USP35: variants seen among roughly 807,000 people sequenced by gnomAD.
The protein encoded by USP35 is ubiquitin carboxyl-terminal hydrolase 35.
In USP35, 69 loss-of-function variants were observed where a neutral mutation model predicts 83.8. The ratio of observed to expected loss-of-function variants is 0.82; its 90% CI spans 0.68 to 1.01. The LOEUF (loss-of-function observed/expected upper bound fraction) is 1.01, where lower values mean the gene tolerates loss of function less well. USP35 is among the 50% of genes least tolerant of loss of function. The pLI is 0.00. For synonymous variants in USP35, 714 were observed against 589.5 expected, an observed-to-expected ratio of 1.21 and a Z score of -3.06; for missense variants, 1,503 against 1,362.5, an observed-to-expected ratio of 1.10 and a Z score of -1.62.
At chr11:78,203,189 C>G (rs1264234372) in intron 6 of USP35, among the ~76,000 whole-genome samples, 1 of 152,126 alleles carries the variant, frequency 6.6e-6, no homozygotes, top group African/African-American at 2.4e-5. Context: ...AGGACCCCGC[C>G]TTCTCAACCC....
Position 78,196,048 on chromosome 11 carries a change from A to G in USP35, c.-10-188A>G, listed in dbSNP as rs932438825. Among the ~76,000 whole-genome samples the G allele has an allele frequency of 1.3e-5, 2 of 152,170 alleles. No homozygotes were observed. The highest frequency in any genetic ancestry group is 2.9e-5 in the Non-Finnish European group (2 of 68,018). The stretch of plus-strand genomic sequence containing the variant: ...GGCCCCTGGCATTTATTATGTGCCA[A>G]GTGTTGTGCTTTATTTCATCAGGAT... On this transcript the variant is annotated intron_variant, in intron 1 of 10. Transcript: ENST00000529308. This position sits in a 1 kb window ranked among gnomAD's most constrained non-coding sequence, Gnocchi z 4.8.
chr11:78,209,303 G>A, intron 9 of USP35, 145 bp from the exon 10 acceptor site: 8 of 859,026 alleles, frequency 9.3e-6, no homozygotes, highest in South Asian at 1.8e-5. Context: ...CATGTACGTG[G>A]ATGTGTGGGT....
In USP35 at chr11:78,200,828, T is replaced by G; in HGVS notation, c.1197+20T>G. ...ATCAAGGTGAGCGACAGTCCCCTACTTGGGCCTTGCCCCACTCTGACAAAG... is the reference window on the plus strand; with the variant it reads ...ATCAAGGTGAGCGACAGTCCCCTACGTGGGCCTTGCCCCACTCTGACAAAG... On this transcript the variant is annotated intron_variant, in intron 6 of 10. Transcript: ENST00000529308. 6.3e-7 allele frequency: 1 copy of G among 1,584,532 alleles called. No individual in the cohort carries two copies. The highest frequency in any genetic ancestry group is 8.6e-7 in the Non-Finnish European group (1 of 1,160,472).
rs1396427194 is a variant in USP35 at position 78,198,085 on chromosome 11, G to A, written c.806+17G>A. 3 of 1,614,008 alleles carry A rather than the reference G, an allele frequency of 1.9e-6. No individual in the cohort carries two copies. In the South Asian group the frequency reaches 3.3e-5, roughly 18 times the overall value. ...CATTAGCAGGTGGGACGCTGAGGCT[G>A]AGCCATGATCAGGGCTGGGGCCCCT... On this transcript the variant is annotated intron_variant, in intron 3 of 10. Coordinates refer to ENST00000529308, the MANE Select transcript of USP35 (RefSeq NM_020798.4).
rs546112402 is a variant in USP35, at chr11:78,212,378, C to T, written c.2890-1268C>T. On this transcript the variant is annotated intron_variant, in intron 10 of 10. Transcript: ENST00000529308. ...AGTTTGAAGTCAGGTAGGCATTAGG[C>T]TTCCACTTTTGTTCTTTTTGCTTAG... is the stretch of plus-strand genomic sequence containing the variant. Among the ~76,000 whole-genome samples, 58 of 152,286 alleles carry T rather than the reference C, an allele frequency of 3.8e-4. 1 individual carries two copies. The South Asian group carries it at 0.012, about 31-fold the overall frequency.
chr11:78,208,240 G>A (rs979618430), intron 8 of USP35, among the ~76,000 whole-genome samples: 2 of 152,188 alleles, frequency 1.3e-5, no homozygotes, highest in African/African-American at 4.8e-5. Flanking sequence ...CTGCTGCACT[G>A]GGGATTATGT....
At position 78,210,191 on chromosome 11, in the gene USP35, G is replaced by A. The variant is rs2134415394; in HGVS notation, c.2336G>A (p.Arg779His). The A allele has an allele frequency of 3.1e-6, 5 of 1,613,916 alleles. No homozygotes were observed. The highest frequency in any genetic ancestry group is 1.6e-4 in the Middle Eastern group (1 of 6,062). The change falls in exon 10 of 11, where the codon CGC becomes CAC. Residue 779 changes from arginine to histidine, a missense_variant. By Grantham distance (29) the Arg-to-His change is conservative. Coordinates refer to ENST00000529308, the MANE Select transcript of USP35 (RefSeq NM_020798.4). ...LSPEKLTAEN[R>H]YYCESCASLQ... Reference sequence around the variant, plus strand: ...CCCGAGAAGCTGACAGCAGAAAACCGCTACTACTGCGAGTCGTGTGCCTCC... The same window carrying A: ...CCCGAGAAGCTGACAGCAGAAAACCACTACTACTGCGAGTCGTGTGCCTCC...
intron 1 of USP35, among the ~76,000 whole-genome samples, chr11:78,189,371 G>C (rs549169749): frequency 6.6e-6 from 1 of 152,190 alleles, no homozygotes; most frequent in Non-Finnish European, 1.5e-5. Context: ...AAGTGATCCT[G>C]CTCCCTCCCC....
rs1238854159 is a variant in USP35, at chr11:78,214,964, A to C, written c.*1151A>C. On this transcript the variant is annotated 3_prime_UTR_variant, in exon 11 of 11. Coordinates refer to ENST00000529308, the MANE Select transcript of USP35 (RefSeq NM_020798.4). ...GGAGGCAGCTCTCAAGCCTTTACCT[A>C]CCTCCTTCCCCAGGGGCTGCCTGCT... is the stretch of plus-strand genomic sequence containing the variant. 1.3e-5 allele frequency among the ~76,000 whole-genome samples: 2 copies of C among 151,576 alleles called. No homozygotes were observed. Among genetic ancestry groups the C allele is most frequent in the Admixed American group, 6.6e-5 (1 of 15,202 alleles).
downstream of USP35, chr11:78,216,139 A>G (rs1438101233): frequency 1.3e-5 from 2 of 152,674 alleles, no homozygotes; most frequent in South Asian, 2.1e-4. Flanking sequence ...CAGCGCAGCT[A>G]ATCCAACCTC....
In USP35 at chr11:78,210,187, A is replaced by T; in HGVS notation, c.2332A>T (p.Asn778Tyr). The T allele has an allele frequency of 1.2e-6, 2 of 1,613,574 alleles. No individual in the cohort carries two copies. The highest frequency in any genetic ancestry group is 1.7e-6 in the Non-Finnish European group (2 of 1,179,738). The part of the protein sequence containing the change: ...FLSPEKLTAE[N>Y]RYYCESCASL... ...GTCCCCCGAGAAGCTGACAGCAGAA[A>T]ACCGCTACTACTGCGAGTCGTGTGC... The change falls in exon 10 of 11, where the codon AAC becomes TAC. Residue 778 changes from asparagine to tyrosine, a missense_variant. Physicochemically the swap from Asn to Tyr is moderately radical, Grantham distance 143 (BLOSUM62 -2). Coordinates refer to ENST00000529308, the MANE Select transcript of USP35 (RefSeq NM_020798.4).
At chr11:78,225,049 G>A in the USP35 span, 2 of 1,012,720 alleles carry the variant, frequency 2.0e-6, no homozygotes, top group South Asian at 1.3e-5. Flanking sequence ...AATTCCATAA[G>A]GTGTGACCTT....
chr11:78,210,585 C>T lies in USP35; in HGVS notation c.2730C>T (p.Thr910=), dbSNP rs1298171037. The part of the protein sequence containing the change: ...FSSFESVSNV[T]SFFPKDTAYV... Reference sequence around the variant, plus strand: ...CCTTCGAATCTGTCAGCAACGTCACCTCCTTCTTCCCTAAGGACACAGCCT... The same window carrying T: ...CCTTCGAATCTGTCAGCAACGTCACTTCCTTCTTCCCTAAGGACACAGCCT... Residue 910 remains threonine (T), a synonymous_variant, in exon 10 of 11, where the codon ACC becomes ACT. Transcript: ENST00000529308. 8 of 1,614,000 alleles carry T rather than the reference C, an allele frequency of 5.0e-6. No individual in the cohort carries two copies. The highest frequency in any genetic ancestry group is 5.9e-6 in the Non-Finnish European group (7 of 1,179,854).
At chr11:78,235,925 C>T in the USP35 span, among the ~76,000 whole-genome samples, 2 of 152,216 alleles carry the variant, frequency 1.3e-5, no homozygotes, top group South Asian at 2.1e-4. Flanking sequence ...CAACGCCCCA[C>T]TCTACTGGTA....
the USP35 span, among the ~76,000 whole-genome samples, chr11:78,232,353 C>T: frequency 6.6e-6 from 1 of 152,206 alleles, no homozygotes; most frequent in Admixed American, 6.5e-5. Flanking sequence ...ATCAATGTAT[C>T]ATCTGTTACA....
At chr11:78,198,476 G>A (rs1421297063) in intron 3 of USP35, among the ~76,000 whole-genome samples, 1 of 152,236 alleles carries the variant, frequency 6.6e-6, no homozygotes, top group Non-Finnish European at 1.5e-5. Flanking sequence ...TCAGCTCACA[G>A]AGTCCTTGCA....
downstream of USP35, chr11:78,219,318 G>A (rs770369313): frequency 5.6e-6 from 9 of 1,613,842 alleles, no homozygotes; most frequent in Admixed American, 3.3e-5. Flanking sequence ...CCGCACGTCT[G>A]TCCACTCCTG....
chr11:78,209,501 C>A lies in USP35; in HGVS notation c.1646C>A (p.Ser549Tyr), dbSNP rs1008295403. 1.9e-6 allele frequency: 3 copies of A among 1,613,752 alleles called. No homozygotes were observed. The highest frequency in any genetic ancestry group is 2.2e-5 in the South Asian group (2 of 91,030). Residue 549 changes from serine (S) to tyrosine (Y), a missense_variant, in exon 10 of 11, where the codon TCC (serine) becomes TAC (tyrosine). Ser to Tyr is a moderately radical substitution (Grantham distance 144, BLOSUM62 -2). Coordinates refer to ENST00000529308, the MANE Select transcript of USP35 (RefSeq NM_020798.4). The stretch of plus-strand genomic sequence containing the variant: ...AGGATCTGCCAGAAACTCAAGCAGT[C>A]CAGCTCGCCCTCTCCGCCCGAGGAG... ...GTRICQKLKQ[S>Y]SSPSPPEEPP...
chr11:78,227,458 G>A, the USP35 span, among the ~76,000 whole-genome samples: 1 of 152,120 alleles, frequency 6.6e-6, no homozygotes. Context: ...CTGCCACTGT[G>A]AAACTAGCCC....
Sources: gnomAD v4.1 joint callset for allele counts (sites outside exome capture counted in the v4.1 genomes callset) on GRCh38, gnomAD v4.1.1 for gene constraint, Gnocchi (gnomAD v3.1) non-coding constraint, MANE v1.5 for transcripts, NCBI Gene and HGNC (gene_info 2026-07-23, HGNC 2026-07-21) for gene names.